The following TBC1D19 variants were observed in gnomAD, a reference collection of about 807,000 sequenced individuals.
The protein encoded by TBC1D19 is TBC1 domain family, member 19.
TBC1D19 carries 60 observed loss-of-function variants against 89.0 expected under a neutral mutation model. That is an observed-to-expected ratio of 0.67 (90% CI 0.55 to 0.84). The LOEUF (loss-of-function observed/expected upper bound fraction) is 0.84, where lower values mean the gene tolerates loss of function less well. Among genes scored for constraint, TBC1D19 ranks in the 40% least tolerant of loss-of-function variants. TBC1D19 has a pLI of 0.00. For synonymous variants in TBC1D19, 189 were observed against 199.7 expected (o/e 0.95, Z 0.45); for missense variants, 500 against 610.8 (o/e 0.82, Z 1.91).
At chr4:26,736,961 G>C (rs1260085869) in intron 16 of TBC1D19, among the ~76,000 whole-genome samples, 2 of 152,142 alleles carry the variant, frequency 1.3e-5, no homozygotes, top group African/African-American at 4.8e-5. Context: ...AAGTTTTCAA[G>C]TGTTACATAT....
chr4:26,768,597 G>A, the TBC1D19 span, among the ~76,000 whole-genome samples: 1 of 152,184 alleles, frequency 6.6e-6, no homozygotes, highest in South Asian at 2.1e-4. Context: ...TGTTAAAGAA[G>A]CCAGAGGAAA....
intron 17 of TBC1D19, chr4:26,740,901 G>C (rs1718329405): frequency 2.0e-6 from 2 of 985,254 alleles, no homozygotes; most frequent in Admixed American, 1.2e-4. Flanking sequence ...CATCGCTAGT[G>C]AAAGTTGGCA....
intron 18 of TBC1D19, among the ~76,000 whole-genome samples, chr4:26,744,541 T>C (rs1259212517): frequency 6.6e-6 from 1 of 151,934 alleles, no homozygotes; most frequent in South Asian, 2.1e-4. Flanking sequence ...AAATTACTTA[T>C]TTACCTCCAC....
chr4:26,799,602 G>T, the TBC1D19 span, among the ~76,000 whole-genome samples: 1 of 152,158 alleles, frequency 6.6e-6, no homozygotes, highest in Admixed American at 6.5e-5. Flanking sequence ...GGTTATAAGA[G>T]CTCTGCCCTC....
the TBC1D19 span, among the ~76,000 whole-genome samples, chr4:26,781,175 T>C: frequency 6.6e-6 from 1 of 152,330 alleles, no homozygotes; most frequent in East Asian, 1.9e-4. Context: ...GGATACAGAA[T>C]TCTGTGTCTC....
the TBC1D19 span, among the ~76,000 whole-genome samples, chr4:26,771,905 A>G: frequency 2.0e-5 from 3 of 152,224 alleles, no homozygotes; most frequent in Admixed American, 6.5e-5. Flanking sequence ...ACAGAAATCA[A>G]TGAAATAGAA....
At chr4:26,639,853 A>G (rs1743379071) in intron 6 of TBC1D19, among the ~76,000 whole-genome samples, 1 of 152,220 alleles carries the variant, frequency 6.6e-6, no homozygotes, top group African/African-American at 2.4e-5. Context: ...ATTCTCATAT[A>G]GTACCTTTAT....
intron 7 of TBC1D19, among the ~76,000 whole-genome samples, chr4:26,645,476 C>T (rs1325068724): frequency 1.3e-5 from 2 of 152,174 alleles, no homozygotes; most frequent in African/African-American, 4.8e-5. Flanking sequence ...AACTGGATCC[C>T]TTCCTTACAC....
chr4:26,756,415 G>A (rs976701476), downstream of TBC1D19, among the ~76,000 whole-genome samples: 2 of 152,112 alleles, frequency 1.3e-5, no homozygotes, highest in African/African-American at 4.8e-5. Context: ...AGGAGAATAT[G>A]CATTAGCTTT....
chr4:26,848,808 C>T, the TBC1D19 span, among the ~76,000 whole-genome samples: 1 of 152,198 alleles, frequency 6.6e-6, no homozygotes, highest in Non-Finnish European at 1.5e-5. Context: ...TGTCTAATCA[C>T]ATTGCTTATT....
chr4:26,741,035 C>A, intron 17 of TBC1D19: 1 of 843,704 alleles, frequency 1.2e-6, no homozygotes, highest in Non-Finnish European at 1.4e-6. Flanking sequence ...CTGGAATAAT[C>A]AGAAATATGA....
the TBC1D19 span, among the ~76,000 whole-genome samples, chr4:26,775,962 TTCAG>T: frequency 5.3e-4 from 81 of 152,230 alleles, 1 homozygote; most frequent in Admixed American, 9.8e-4. Context: ...GTTTCCCATC[TTCAG>T]TCAGTGACAG....
intron 1 of TBC1D19, among the ~76,000 whole-genome samples, chr4:26,609,203 T>TAAA (rs1741207463): frequency 1.3e-5 from 2 of 151,694 alleles, no homozygotes; most frequent in South Asian, 2.1e-4. Flanking sequence ...AAACTTAAAG[T>TAAA]ATAATAATAA....
rs773626373 is a variant in TBC1D19, at chr4:26,672,198, A to C, written c.703+11A>C. 8 of 1,323,946 alleles carry C rather than the reference A, an allele frequency of 6.0e-6. No individual in the cohort carries two copies. 82.0% of individuals were successfully genotyped at this position (1,323,946 alleles called of 1,614,324 possible). On this transcript the variant is annotated intron_variant, in intron 10 of 20. Coordinates refer to ENST00000264866, the MANE Select transcript of TBC1D19 (RefSeq NM_018317.4). ...GTATTGGGCAAAAAGGTAAGCTTTT[A>C]ATTATAAATGTTATTATTTCTGAAA...
intron 4 of TBC1D19, among the ~76,000 whole-genome samples, chr4:26,621,331 TCCGTAAG>T (rs1358023828): frequency 6.6e-6 from 1 of 152,194 alleles, no homozygotes; most frequent in African/African-American, 2.4e-5. Context: ...TCCAGTCCTG[TCCGTAAG>T]CCTTCCTCAC....
At position 26,704,581 on chromosome 4, in the gene TBC1D19, A is replaced by G. The variant is rs983840051; in HGVS notation, c.955-13352A>G. ...TGTATCTAGTTAGATTATTTGGTGTATGTTCTGATATAGGCACTGTGTTAG... is the reference window on the plus strand; with the variant it reads ...TGTATCTAGTTAGATTATTTGGTGTGTGTTCTGATATAGGCACTGTGTTAG... On this transcript the variant is annotated intron_variant, in intron 13 of 20. Coordinates refer to ENST00000264866, the MANE Select transcript of TBC1D19 (RefSeq NM_018317.4). Among the ~76,000 whole-genome samples the G allele has an allele frequency of 5.3e-5, 8 of 152,244 alleles. No individual in the cohort carries two copies. The South Asian group carries it at 1.7e-3, about 32-fold the overall frequency.
intron 13 of TBC1D19, among the ~76,000 whole-genome samples, chr4:26,713,030 G>A (rs1716307215): frequency 6.6e-6 from 1 of 151,984 alleles, no homozygotes; most frequent in South Asian, 2.1e-4. Context: ...TACCACAGTG[G>A]TATGTGAAAG....
At chr4:26,695,464 A>G (rs1322503898) in intron 13 of TBC1D19, among the ~76,000 whole-genome samples, 1 of 152,240 alleles carries the variant, frequency 6.6e-6, no homozygotes, top group Non-Finnish European at 1.5e-5. Context: ...AAATTCCCCA[A>G]CCTAGCAAGG....
chr4:26,832,789 CCA>C, the TBC1D19 span, among the ~76,000 whole-genome samples: 1 of 152,008 alleles, frequency 6.6e-6, no homozygotes, highest in Admixed American at 6.6e-5. Flanking sequence ...GGTCAGGTGA[CCA>C]GAGACCAGCC....
Sources: allele counts gnomAD v4.1 joint callset (sites outside exome capture counted in the v4.1 genomes callset), GRCh38; gene constraint gnomAD v4.1.1; transcripts MANE v1.5; gene names NCBI Gene and HGNC (gene_info 2026-07-23, HGNC 2026-07-21).